The following IFT140 variants were observed in gnomAD, a reference collection of about 807,000 sequenced individuals.
IFT140 encodes the protein intraflagellar transport 140, also known as intraflagellar transport protein 140 homolog.
Under a neutral mutation model 164.6 loss-of-function variants are expected in IFT140, and 133 were observed. That is an observed-to-expected ratio of 0.81 (90% CI 0.70 to 0.93). The LOEUF (loss-of-function observed/expected upper bound fraction) is 0.93. Among genes scored for constraint, IFT140 ranks in the 40% least tolerant of loss-of-function variants. The pLI, the probability that IFT140 is intolerant of heterozygous loss-of-function variation, is 0.00. For missense variants in IFT140, 2,045 were observed against 1,972.3 expected (o/e 1.04, Z -0.70); for synonymous variants, 860 against 817.3 (o/e 1.05, Z -0.89).
intron 19 of IFT140, among the ~76,000 whole-genome samples, chr16:1,539,539 C>T (rs993168994): frequency 6.6e-6 from 1 of 152,274 alleles, no homozygotes; most frequent in African/African-American, 2.4e-5. Context: ...GTACGGGAAC[C>T]CCTTGGCCAC....
intron 6 of IFT140, among the ~76,000 whole-genome samples, chr16:1,591,304 G>A (rs1237028858): frequency 6.6e-6 from 1 of 152,126 alleles, no homozygotes; most frequent in African/African-American, 2.4e-5. Flanking sequence ...CCATCTCACA[G>A]TGCTGTGCCC....
intron 14 of IFT140, 55 bp downstream of exon 14, chr16:1,571,350 ACT>A: frequency 6.4e-7 from 1 of 1,558,132 alleles, no homozygotes; most frequent in South Asian, 1.2e-5. Flanking sequence ...TACCCATCAC[ACT>A]GTCTCCTGAC....
intron 21 of IFT140, 39 bp downstream of exon 21, chr16:1,525,848 C>G: frequency 6.7e-7 from 1 of 1,485,944 alleles, no homozygotes; most frequent in South Asian, 1.3e-5. Context: ...CCAGGGCCAT[C>G]CAGAGAGGCA....
rs1231656459 is a variant in IFT140, at chr16:1,589,675, A to G, written c.740T>C (p.Val247Ala). The stretch of plus-strand genomic sequence containing the variant: ...GGACAGCCGGAGGTTCTCTGTGACC[A>G]CCACCAGTGCCTCCCTCTTCTCCAT... Reference protein sequence around the residue: ...FYMEKREALVVVTENLRLSLY... With the variant: ...FYMEKREALVAVTENLRLSLY... The change falls in exon 7 of 31, where the codon GTG becomes GCG. Residue 247 changes from valine to alanine, a missense_variant. By Grantham distance (64) the Val-to-Ala change is moderately conservative. Coordinates refer to ENST00000426508, the MANE Select transcript of IFT140 (RefSeq NM_014714.4). The G allele has an allele frequency of 4.3e-6, 7 of 1,614,040 alleles. No individual in the cohort carries two copies. Among genetic ancestry groups the G allele is most frequent in the Non-Finnish European group, 5.9e-6 (7 of 1,180,036 alleles).
rs745740129 is a variant in IFT140, at chr16:1,551,950, C to T, written c.2399+5985G>A. Among the ~76,000 whole-genome samples, 2 of 152,112 alleles carry T rather than the reference C, an allele frequency of 1.3e-5. No homozygotes were observed. Among genetic ancestry groups the T allele is most frequent in the Non-Finnish European group, 2.9e-5 (2 of 68,024 alleles). On this transcript the variant is annotated intron_variant, in intron 19 of 30. Transcript: ENST00000426508. The surrounding 1 kb of genome is among the most constrained non-coding windows in gnomAD (Gnocchi z 4.0). ...TGTCCCCGGGGCCTCTCCCTGGTGA[C>T]GTGTGGCCCGCGCTGTCCCCCTGCA...
At chr16:1,581,984 G>A (rs1412625860) in intron 12 of IFT140, among the ~76,000 whole-genome samples, 2 of 152,128 alleles carry the variant, frequency 1.3e-5, no homozygotes, top group East Asian at 3.9e-4. Flanking sequence ...AAGAGGTGGG[G>A]GCGTTCAAAC....
At chr16:1,534,176 T>C (rs2030807595) in intron 19 of IFT140, 6 of 1,485,836 alleles carry the variant, frequency 4.0e-6, no homozygotes, top group Non-Finnish European at 5.4e-6. Context: ...TGAGTGGTGA[T>C]GTCCTCTAGC....
intron 13 of IFT140, among the ~76,000 whole-genome samples, chr16:1,579,680 C>T (rs1485074254): frequency 6.6e-6 from 1 of 152,110 alleles, no homozygotes. Flanking sequence ...AGAAGGGAAC[C>T]TCCTGGCCAG....
intron 4 of IFT140, among the ~76,000 whole-genome samples, chr16:1,601,408 A>G (rs936039905): frequency 6.6e-6 from 1 of 152,214 alleles, no homozygotes; most frequent in Non-Finnish European, 1.5e-5. Context: ...CAGCACTGTC[A>G]CTGTTACATT....
chr16:1,511,062 T>G lies in IFT140; in HGVS notation c.4271A>C (p.His1424Pro). 6.2e-7 allele frequency: 1 copy of G among 1,607,986 alleles called. No homozygotes were observed. The highest frequency in any genetic ancestry group is 1.1e-5 in the South Asian group (1 of 90,208). ...TGGCAGTGGGAGACCCAGCCCCCGG[T>G]GCACGGCGTCCACGGCCTGCGGGCT... Reference protein sequence around the residue: ...YVSPQAVDAVHRGLGLPLPRT... With the variant: ...YVSPQAVDAVPRGLGLPLPRT... Residue 1424 changes from histidine to proline, a missense_variant, in exon 31 of 31, where the codon CAC (histidine) becomes CCC (proline). Coordinates refer to ENST00000426508, the MANE Select transcript of IFT140 (RefSeq NM_014714.4).
intron 19 of IFT140, among the ~76,000 whole-genome samples, chr16:1,549,620 TG>T (rs1567357586): frequency 2.6e-5 from 4 of 152,126 alleles, no homozygotes; most frequent in African/African-American, 9.6e-5. Context: ...TTAGTAGAGA[TG>T]GGGTTTCCCC....
At chr16:1,560,009 G>A (rs1300182228) in intron 18 of IFT140, among the ~76,000 whole-genome samples, 1 of 152,156 alleles carries the variant, frequency 6.6e-6, no homozygotes, top group Non-Finnish European at 1.5e-5. Context: ...AGACACAAAC[G>A]CCACCATGCA....
intron 29 of IFT140, 72 bp from the exon 30 acceptor site, chr16:1,518,429 C>G: frequency 6.8e-7 from 1 of 1,460,942 alleles, no homozygotes; most frequent in Non-Finnish European, 9.2e-7. Context: ...TCAGAGGAGA[C>G]TCTTGGCCTG....
chr16:1,550,836 G>A (rs189977406), intron 19 of IFT140, among the ~76,000 whole-genome samples: 219 of 152,334 alleles, frequency 1.4e-3, no homozygotes, highest in African/African-American at 5.0e-3. Flanking sequence ...AGTCAAGAGC[G>A]CCCTAGCCGT....
At chr16:1,535,378 A>C (rs1323749089) in intron 19 of IFT140, among the ~76,000 whole-genome samples, 4 of 152,184 alleles carry the variant, frequency 2.6e-5, no homozygotes, top group African/African-American at 9.7e-5. Context: ...CTCAACAGTC[A>C]CGGCACAGGG....
Position 1,526,659 on chromosome 16 carries a change from T to C in IFT140, c.2537A>G (p.Glu846Gly). 1.3e-6 allele frequency: 2 copies of C among 1,594,686 alleles called. No individual in the cohort carries two copies. Among genetic ancestry groups the C allele is most frequent in the Non-Finnish European group, 1.7e-6 (2 of 1,175,042 alleles). The change falls in exon 20 of 31, where the codon GAG (glutamate) becomes GGG (glycine). Residue 846 changes from glutamate (E) to glycine (G), a missense_variant. By Grantham distance (98) the Glu-to-Gly change is moderately conservative. Coordinates refer to ENST00000426508, the MANE Select transcript of IFT140 (RefSeq NM_014714.4). Reference protein sequence around the residue: ...LREAEQEPELEARVAVLATQL... With the variant: ...LREAEQEPELGARVAVLATQL... ...CGTGGCCAGCACGGCCACGCGGGCC[T>C]CTAGCTCCGGCTCCTGCTCCGCCTC... is the stretch of plus-strand genomic sequence containing the variant.
At chr16:1,588,116 T>C in intron 7 of IFT140, 92 bp from the exon 8 acceptor site, 1 of 969,522 alleles carries the variant, frequency 1.0e-6, no homozygotes, top group South Asian at 1.5e-5. Context: ...CCTCAGTGAC[T>C]TCATGGAGAC....
At chr16:1,529,206 T>C (rs1013018959) in intron 19 of IFT140, among the ~76,000 whole-genome samples, 2 of 152,158 alleles carry the variant, frequency 1.3e-5, no homozygotes, top group Non-Finnish European at 2.9e-5. Flanking sequence ...GGCAGGTGCA[T>C]GTGTCTTAGC....
At chr16:1,547,525 C>A (rs887932124) in intron 19 of IFT140, among the ~76,000 whole-genome samples, 10 of 152,212 alleles carry the variant, frequency 6.6e-5, no homozygotes, top group Admixed American at 3.3e-4. Flanking sequence ...TAACCCGGTT[C>A]TTTGCTTGGT....
Sources: gnomAD v4.1 joint callset for allele counts (sites outside exome capture counted in the v4.1 genomes callset) on GRCh38, gnomAD v4.1.1 for gene constraint, Gnocchi (gnomAD v3.1) non-coding constraint, MANE v1.5 for transcripts, NCBI Gene and HGNC (gene_info 2026-07-23, HGNC 2026-07-21) for gene names.